Variants in ERLIN1 observed in about 807,000 individuals in gnomAD.
The protein encoded by ERLIN1 is erlin-1.
In ERLIN1, 24 loss-of-function variants were observed where a neutral mutation model predicts 46.9. The observed-to-expected ratio is 0.51, with a 90% CI of 0.37 to 0.72. The LOEUF (loss-of-function observed/expected upper bound fraction) is 0.72, where lower values mean the gene tolerates loss of function less well. ERLIN1 is among the 30% of genes least tolerant of loss of function. ERLIN1 has a pLI of 0.00. For synonymous variants in ERLIN1, 158 were observed against 143.2 expected, an observed-to-expected ratio of 1.10 and a Z score of -0.74; for missense variants, 293 against 417.9, an observed-to-expected ratio of 0.70 and a Z score of 2.61.
chr10:100,154,444 A>G (rs1842968841), intron 10 of ERLIN1, among the ~76,000 whole-genome samples: 1 of 152,230 alleles, frequency 6.6e-6, no homozygotes, highest in Non-Finnish European at 1.5e-5. Context: ...ATATCCTACA[A>G]TGCATGAGAT....
chr10:100,166,266 A>T (rs1843633638), intron 7 of ERLIN1, among the ~76,000 whole-genome samples: 1 of 152,110 alleles, frequency 6.6e-6, no homozygotes, highest in African/African-American at 2.4e-5. Flanking sequence ...TGAAAAATAC[A>T]AAATTTAGCT....
intron 6 of ERLIN1, among the ~76,000 whole-genome samples, chr10:100,173,863 T>G (rs1374035696): frequency 6.6e-6 from 1 of 152,220 alleles, no homozygotes; most frequent in African/African-American, 2.4e-5. Flanking sequence ...GTTCAAATTT[T>G]ACACTTGAAC....
intron 2 of ERLIN1, among the ~76,000 whole-genome samples, chr10:100,181,686 TG>T (rs1325422768): frequency 1.3e-5 from 2 of 152,098 alleles, no homozygotes; most frequent in Non-Finnish European, 2.9e-5. Flanking sequence ...AGCTAATTTT[TG>T]TATTTTTGTA....
chr10:100,163,872 A>G, intron 8 of ERLIN1, 132 bp downstream of exon 8: 1 of 628,190 alleles, frequency 1.6e-6, no homozygotes, highest in Non-Finnish European at 2.8e-6. Context: ...CTGAATGTAC[A>G]GTGGAGATTC....
intron 8 of ERLIN1, 147 bp from the exon 9 acceptor site, chr10:100,156,381 A>G: frequency 1.7e-6 from 1 of 603,604 alleles, no homozygotes; most frequent in Non-Finnish European, 3.0e-6. Flanking sequence ...GTCAGACTGT[A>G]AACTACTCAA....
At chr10:100,185,401 A>C in intron 1 of ERLIN1, 113 bp downstream of exon 1, 1 of 800,866 alleles carries the variant, frequency 1.2e-6, no homozygotes, top group East Asian at 2.5e-5. Context: ...TGCTCTCCCT[A>C]GAGATGGGAC....
At chr10:100,180,892 C>A (rs1446235493) in intron 2 of ERLIN1, among the ~76,000 whole-genome samples, 7 of 152,026 alleles carry the variant, frequency 4.6e-5, no homozygotes, top group Admixed American at 4.6e-4. Flanking sequence ...TAGATTAATT[C>A]AGTAAAGGCC....
intron 10 of ERLIN1, among the ~76,000 whole-genome samples, chr10:100,153,980 A>G (rs1842936879): frequency 6.6e-6 from 1 of 152,092 alleles, no homozygotes; most frequent in Non-Finnish European, 1.5e-5. Flanking sequence ...CTAAATACGG[A>G]TTATGTTGTT....
rs1035493531 is a variant in ERLIN1 at position 100,151,770 on chromosome 10, C to CG, written c.*360dup. 6 of 327,654 alleles carry CG rather than the reference C, an allele frequency of 1.8e-5. No individual in the cohort carries two copies. Among genetic ancestry groups the CG allele is most frequent in the African/African-American group, 1.1e-4 (5 of 46,632 alleles). The allele number at this position is 327,654 out of a possible 1,614,324, so 20.3% of individuals were successfully genotyped here. Reference sequence around the variant, plus strand: ...AATGGTGGCTGAGCATACATTTCCCCGGGGGACGAATGTAAACATTATTCA... The same window carrying CG: ...AATGGTGGCTGAGCATACATTTCCCCGGGGGGACGAATGTAAACATTATTCA... On this transcript the variant is annotated 3_prime_UTR_variant, in exon 11 of 11. Coordinates refer to ENST00000421367, the MANE Select transcript of ERLIN1 (RefSeq NM_006459.4).
At chr10:100,166,322 A>G (rs754820364) in intron 7 of ERLIN1, among the ~76,000 whole-genome samples, 22 of 151,976 alleles carry the variant, frequency 1.4e-4, no homozygotes, top group Non-Finnish European at 2.5e-4. Flanking sequence ...CAGGAGGCTG[A>G]GGTGGGAGGA....
chr10:100,180,924 A>G (rs1053465242), intron 2 of ERLIN1, among the ~76,000 whole-genome samples: 8 of 152,352 alleles, frequency 5.3e-5, no homozygotes, highest in Non-Finnish European at 1.5e-5. Flanking sequence ...CAATCCAGAC[A>G]TAATAGAGGA....
chr10:100,170,530 G>A (rs2134147553), intron 6 of ERLIN1, among the ~76,000 whole-genome samples: 1 of 152,228 alleles, frequency 6.6e-6, no homozygotes, highest in African/African-American at 2.4e-5. Flanking sequence ...AGTAGACAAA[G>A]GTAAAAGTGA....
chr10:100,178,108 A>T, intron 4 of ERLIN1, 25 bp downstream of exon 4: 1 of 1,490,932 alleles, frequency 6.7e-7, no homozygotes, highest in Non-Finnish European at 9.2e-7. Flanking sequence ...TAACTATAAA[A>T]ACCACAGGTA....
At chr10:100,173,809 C>A (rs1282657188) in intron 6 of ERLIN1, among the ~76,000 whole-genome samples, 2 of 152,188 alleles carry the variant, frequency 1.3e-5, no homozygotes, top group Non-Finnish European at 2.9e-5. Context: ...TCAATAGATT[C>A]ATCTGTCAAT....
intron 6 of ERLIN1, among the ~76,000 whole-genome samples, chr10:100,172,496 T>A (rs1268965228): frequency 6.6e-6 from 1 of 151,928 alleles, no homozygotes; most frequent in African/African-American, 2.4e-5. Context: ...AAGAAAACAA[T>A]CCAACAGAAA....
In ERLIN1 at chr10:100,155,300, C is replaced by G. The variant is rs34102046; in HGVS notation, c.746-361G>C. Among the ~76,000 whole-genome samples, 112 of 152,154 alleles carry G rather than the reference C, an allele frequency of 7.4e-4. 3 individuals carry two copies. Among genetic ancestry groups the G allele is most frequent in the Admixed American group, 6.5e-3 (100 of 15,286 alleles). ...TTACTGCATTGTCTCCAGCCCCCCC[C>G]CAAATTTCATCCAGAATCAGTCAAC... On this transcript the variant is annotated intron_variant, in intron 9 of 10. Coordinates refer to ENST00000421367, the MANE Select transcript of ERLIN1 (RefSeq NM_006459.4).
intron 2 of ERLIN1, among the ~76,000 whole-genome samples, chr10:100,179,604 G>A (rs1475909922): frequency 6.7e-6 from 1 of 150,176 alleles, no homozygotes; most frequent in African/African-American, 2.5e-5. Flanking sequence ...TTACAGGTAT[G>A]CACCACTACG....
chr10:100,179,150 A>C, intron 3 of ERLIN1, 51 bp downstream of exon 3: 1 of 1,401,262 alleles, frequency 7.1e-7, no homozygotes, highest in Non-Finnish European at 1.0e-6. Flanking sequence ...CTGTAGGAAC[A>C]GAAACTCTGT....
intron 4 of ERLIN1, among the ~76,000 whole-genome samples, chr10:100,177,414 T>G (rs1194211006): frequency 1.3e-5 from 2 of 152,222 alleles, no homozygotes; most frequent in East Asian, 3.9e-4. Context: ...TATTTGTGCC[T>G]GTACCGGTTA....
Sources: allele counts gnomAD v4.1 joint callset (sites outside exome capture counted in the v4.1 genomes callset), GRCh38; gene constraint gnomAD v4.1.1; transcripts MANE v1.5; gene names NCBI Gene and HGNC (gene_info 2026-07-23, HGNC 2026-07-21).